LGR5: variants seen among roughly 807,000 people sequenced by gnomAD.
The protein encoded by LGR5 is leucine rich repeat containing G protein-coupled receptor 5.
In LGR5, 54 loss-of-function variants were observed where a neutral mutation model predicts 76.7. That is an observed-to-expected ratio of 0.70 (90% CI 0.57 to 0.88). LGR5 has a LOEUF of 0.88. Ranked by LOEUF, LGR5 falls within the 40% of genes least tolerant of loss-of-function variation. LGR5 has a pLI of 0.00. For synonymous variants in LGR5, 406 were observed against 421.9 expected, an observed-to-expected ratio of 0.96 and a Z score of 0.46; for missense variants, 1,078 against 1,073.3, an observed-to-expected ratio of 1.00 and a Z score of -0.06.
At chr12:71,549,142 T>C (rs1371476149) in intron 4 of LGR5, among the ~76,000 whole-genome samples, 1 of 152,260 alleles carries the variant, frequency 6.6e-6, no homozygotes, top group Admixed American at 6.5e-5. Flanking sequence ...TCAGCTGCTT[T>C]GTCCACAGTC....
chr12:71,536,947 G>A (rs1260432685), intron 4 of LGR5, among the ~76,000 whole-genome samples: 4 of 152,138 alleles, frequency 2.6e-5, no homozygotes, highest in African/African-American at 4.8e-5. Context: ...AAAAGGTCAA[G>A]GGTTAACTTT....
At chr12:71,477,628 T>C (rs1400228207) in intron 1 of LGR5, among the ~76,000 whole-genome samples, 1 of 152,134 alleles carries the variant, frequency 6.6e-6, no homozygotes, top group Non-Finnish European at 1.5e-5. Context: ...CCCTTTTGTA[T>C]GAATTGATAA....
rs2137484706 is a variant in LGR5 at position 71,583,662 on chromosome 12, G to T, written c.1652G>T (p.Cys551Phe). ...CSPSPGPFKP[C>F]EHLLDGWLIR... ...GGACTTCTAGGCCCCTTCAAACCCT[G>T]TGAACACCTGCTTGATGGCTGGCTG... The change falls in exon 18 of 18, where the codon TGT (cysteine) becomes TTT (phenylalanine). Residue 551 changes from cysteine to phenylalanine, a missense_variant. Transcript: ENST00000266674. 2 of 1,612,880 alleles carry T rather than the reference G, an allele frequency of 1.2e-6. No homozygotes were observed. Among genetic ancestry groups the T allele is most frequent in the South Asian group, 2.2e-5 (2 of 90,950 alleles).
At chr12:71,528,663 G>T (rs1029312919) in intron 3 of LGR5, among the ~76,000 whole-genome samples, 1 of 152,036 alleles carries the variant, frequency 6.6e-6, no homozygotes, top group Non-Finnish European at 1.5e-5. Flanking sequence ...TTGTATTATT[G>T]CCTTTTAAAG....
chr12:71,508,707 T>C (rs1209427297), intron 2 of LGR5, among the ~76,000 whole-genome samples: 1 of 127,768 alleles, frequency 7.8e-6, no homozygotes, highest in Non-Finnish European at 1.5e-5. Flanking sequence ...CGAGCCAAGA[T>C]GGTGCCACTG....
chr12:71,440,156 A>G lies in LGR5; in HGVS notation c.76A>G (p.Arg26Gly). Residue 26 changes from arginine to glycine, a missense_variant, in exon 1 of 18, where the codon AGG becomes GGG. Coordinates refer to ENST00000266674, the MANE Select transcript of LGR5 (RefSeq NM_003667.4). This position sits in a 1 kb window ranked among gnomAD's most constrained non-coding sequence, Gnocchi z 5.3. ...GCTGGCGACCGGGGGCAGCTCTCCC[A>G]GGTCTGGTGTGTTGCTGAGGGGCTG... is the stretch of plus-strand genomic sequence containing the variant. The part of the protein sequence containing the change: ...LQLATGGSSP[R>G]SGVLLRGCPT... 6.2e-7 allele frequency: 1 copy of G among 1,611,012 alleles called. No homozygotes were observed. The highest frequency in any genetic ancestry group is 8.5e-7 in the Non-Finnish European group (1 of 1,179,700).
At chr12:71,486,071 G>T (rs546501004) in intron 1 of LGR5, among the ~76,000 whole-genome samples, 48 of 152,202 alleles carry the variant, frequency 3.2e-4, no homozygotes, top group Middle Eastern at 6.8e-3. Context: ...GCCAATTAAG[G>T]CTGCTTTTTA....
chr12:71,508,345 T>A (rs1205537903), intron 2 of LGR5, among the ~76,000 whole-genome samples: 2 of 152,220 alleles, frequency 1.3e-5, no homozygotes, highest in African/African-American at 4.8e-5. Context: ...ATAAACTGTG[T>A]AGATAGCCAT....
intron 1 of LGR5, among the ~76,000 whole-genome samples, chr12:71,482,009 G>C (rs1413077172): frequency 6.6e-6 from 1 of 152,080 alleles, no homozygotes; most frequent in Non-Finnish European, 1.5e-5. Context: ...CAATTATAAA[G>C]TAATGAAATT....
chr12:71,447,756 C>T (rs770306276), intron 1 of LGR5, among the ~76,000 whole-genome samples: 1 of 152,162 alleles, frequency 6.6e-6, no homozygotes, highest in African/African-American at 2.4e-5. Flanking sequence ...AGGGCATAGC[C>T]GTGAAGGGCC....
chr12:71,455,240 GC>G (rs1872422962), intron 1 of LGR5, among the ~76,000 whole-genome samples: 1 of 152,152 alleles, frequency 6.6e-6, no homozygotes, highest in Non-Finnish European at 1.5e-5. Context: ...CCACTAATCA[GC>G]CACAGAATCT....
At chr12:71,487,916 C>T (rs952236427) in intron 1 of LGR5, among the ~76,000 whole-genome samples, 2 of 152,122 alleles carry the variant, frequency 1.3e-5, no homozygotes, top group African/African-American at 2.4e-5. Flanking sequence ...AGTAGTTATA[C>T]GCCATCCCCT....
intron 1 of LGR5, among the ~76,000 whole-genome samples, chr12:71,487,750 C>T (rs7139202): frequency 0.82 from 124,805 of 152,186 alleles, 51,637 homozygotes; most frequent in African/African-American, 0.93. Flanking sequence ...GTTTTCATGT[C>T]GTATCTGTGT....
chr12:71,450,466 A>C (rs1019396070), intron 1 of LGR5, among the ~76,000 whole-genome samples: 1 of 152,130 alleles, frequency 6.6e-6, no homozygotes, highest in Non-Finnish European at 1.5e-5. Context: ...CATAGTTGTC[A>C]TTTACTTCTT....
intron 1 of LGR5, among the ~76,000 whole-genome samples, chr12:71,492,852 T>C (rs1874135458): frequency 6.6e-6 from 1 of 151,430 alleles, no homozygotes; most frequent in Admixed American, 6.6e-5. Flanking sequence ...GCTGTAAACA[T>C]AGAAGCCTTT....
chr12:71,562,765 T>A (rs1173567828), intron 8 of LGR5, among the ~76,000 whole-genome samples: 2 of 151,734 alleles, frequency 1.3e-5, no homozygotes, highest in Admixed American at 6.6e-5. Flanking sequence ...AGGAGGAGAG[T>A]AAGGACAACT....
Position 71,584,338 on chromosome 12 carries a change from C to A in LGR5, c.2328C>A (p.Cys776Ter), listed in dbSNP as rs540355610. 1 of 1,614,220 alleles carries A rather than the reference C, an allele frequency of 6.2e-7. No homozygotes were observed. Among genetic ancestry groups the A allele is most frequent in the Non-Finnish European group, 8.5e-7 (1 of 1,180,026 alleles). The change falls in exon 18 of 18, where the codon TGC (cysteine) becomes TGA (stop). Residue 776 changes from cysteine to a stop codon, truncating the protein, a stop_gained. Coordinates refer to ENST00000266674, the MANE Select transcript of LGR5 (RefSeq NM_003667.4). LOFTEE classifies it high-confidence loss of function. ...KHIALLLFTN[C>*]ILNCPVAFLS... ...TTGCCCTGTTGCTCTTCACCAACTG[C>A]ATCCTAAACTGCCCTGTGGCTTTCT...
chr12:71,491,173 C>T (rs1874054977), intron 1 of LGR5, among the ~76,000 whole-genome samples: 1 of 152,150 alleles, frequency 6.6e-6, no homozygotes, highest in South Asian at 2.1e-4. Flanking sequence ...TGTGTGAGCT[C>T]ATTAAACCTC....
chr12:71,478,293 G>C (rs1299135222), intron 1 of LGR5, among the ~76,000 whole-genome samples: 1 of 152,188 alleles, frequency 6.6e-6, no homozygotes, highest in Non-Finnish European at 1.5e-5. Context: ...ATAAATGAAT[G>C]TTCTATGGCA....
Sources: allele counts gnomAD v4.1 joint callset (sites outside exome capture counted in the v4.1 genomes callset), GRCh38; gene constraint gnomAD v4.1.1; non-coding constraint Gnocchi (gnomAD v3.1); transcripts MANE v1.5; gene names NCBI Gene and HGNC (gene_info 2026-07-23, HGNC 2026-07-21).